Variants in MAN1A1 observed in about 807,000 individuals in gnomAD.
MAN1A1 encodes the protein mannosidase alpha class 1A member 1, also known as mannosyl-oligosaccharide 1,2-alpha-mannosidase IA.
MAN1A1 carries 29 observed loss-of-function variants against 70.8 expected under a neutral mutation model. That is an observed-to-expected ratio of 0.41 (90% CI 0.31 to 0.56). The LOEUF (loss-of-function observed/expected upper bound fraction) is 0.56. Among genes scored for constraint, MAN1A1 ranks in the 20% least tolerant of loss-of-function variants. The pLI, the probability that MAN1A1 is intolerant of heterozygous loss-of-function variation, is 0.29. For synonymous variants in MAN1A1, 349 were observed against 330.1 expected, an observed-to-expected ratio of 1.06 and a Z score of -0.62; for missense variants, 747 against 841.3, an observed-to-expected ratio of 0.89 and a Z score of 1.39.
chr6:119,209,176 A>T (rs1052821367), intron 6 of MAN1A1, among the ~76,000 whole-genome samples: 1 of 151,802 alleles, frequency 6.6e-6, no homozygotes. Flanking sequence ...GCTACCTATT[A>T]TCATCAAATG....
rs1466621265 is a variant in MAN1A1 at position 119,180,329 on chromosome 6, G to C, written c.1818C>G (p.Phe606Leu). ...TCACCTACTTCAATGTCTCTGCCAG[G>C]AAGAAACTCTGCTGCACATCATCAT... ...ESYDDVQQSF[F>L]LAETLKYLYL... is the part of the protein sequence containing the mutation. The change falls in exon 12 of 13, where the codon TTC becomes TTG. Residue 606 changes from phenylalanine (F) to leucine (L), a missense_variant. Around this residue, in one of 2 missense-constraint regions of MAN1A1, gnomAD observed 419 missense variants for 548.2 expected, o/e 0.76. Coordinates refer to ENST00000368468, the MANE Select transcript of MAN1A1 (RefSeq NM_005907.4). 3 of 1,613,238 alleles carry C rather than the reference G, an allele frequency of 1.9e-6. No homozygotes were observed. In the South Asian group the frequency reaches 3.3e-5, roughly 18 times the overall value.
chr6:119,188,256 T>C, intron 11 of MAN1A1, 149 bp downstream of exon 11: 1 of 629,126 alleles, frequency 1.6e-6, no homozygotes, highest in South Asian at 2.7e-5. Context: ...ATAAAATGAC[T>C]TCAATGAAAA....
chr6:119,339,035 G>T (rs1293595186), intron 2 of MAN1A1, among the ~76,000 whole-genome samples: 2 of 152,008 alleles, frequency 1.3e-5, no homozygotes, highest in Non-Finnish European at 2.9e-5. Flanking sequence ...AAATTTCCTT[G>T]TTCTATCTAT....
chr6:119,314,878 T>TC lies in MAN1A1; in HGVS notation c.604-7887dup, dbSNP rs995982148. Among the ~76,000 whole-genome samples the TC allele has an allele frequency of 1.1e-4, 17 of 152,216 alleles. 1 individual carries two copies. The highest frequency in any genetic ancestry group is 3.6e-4 in the African/African-American group (15 of 41,522). ...GCTCCAGCTCTGTACCTAACTTTTC[T>TC]CCTCCTGCCCTGTATGCTACTGGGG... On this transcript the variant is annotated intron_variant, in intron 2 of 12. Transcript: ENST00000368468.
chr6:119,204,690 C>A, intron 7 of MAN1A1, 69 bp downstream of exon 7: 1 of 1,566,830 alleles, frequency 6.4e-7, no homozygotes, highest in Non-Finnish European at 8.7e-7. Flanking sequence ...AATTCCTAAA[C>A]CTTCTCAGAG....
intron 6 of MAN1A1, among the ~76,000 whole-genome samples, chr6:119,216,259 G>A (rs1774198799): frequency 6.6e-6 from 1 of 152,174 alleles, no homozygotes; most frequent in Non-Finnish European, 1.5e-5. Flanking sequence ...GATACTGTGG[G>A]AAGAATAGGT....
intron 2 of MAN1A1, among the ~76,000 whole-genome samples, chr6:119,330,542 A>C (rs1162534328): frequency 6.6e-6 from 1 of 152,080 alleles, no homozygotes; most frequent in Non-Finnish European, 1.5e-5. Flanking sequence ...GCCTTCTAAC[A>C]CATGTCCTGG....
chr6:119,336,063 A>G (rs1462131421), intron 2 of MAN1A1, among the ~76,000 whole-genome samples: 1 of 152,074 alleles, frequency 6.6e-6, no homozygotes, highest in Non-Finnish European at 1.5e-5. Flanking sequence ...CAGGCTTTCA[A>G]AATTTTTTTA....
intron 5 of MAN1A1, among the ~76,000 whole-genome samples, chr6:119,250,646 C>G (rs1163987699): frequency 5.9e-4 from 61 of 103,782 alleles, no homozygotes; most frequent in African/African-American, 2.1e-3. Context: ...CTTGTTCTCT[C>G]TCTGTGTGTG....
At chr6:119,258,584 G>A (rs1438757964) in intron 5 of MAN1A1, among the ~76,000 whole-genome samples, 1 of 151,972 alleles carries the variant, frequency 6.6e-6, no homozygotes, top group Non-Finnish European at 1.5e-5. Flanking sequence ...TATCCTCAGG[G>A]GGTCCTGAAA....
At chr6:119,233,838 G>A (rs1028582675) in intron 6 of MAN1A1, among the ~76,000 whole-genome samples, 10 of 152,088 alleles carry the variant, frequency 6.6e-5, no homozygotes, top group East Asian at 1.9e-4. Flanking sequence ...GATGTATTGC[G>A]GATTATGAGT....
At position 119,302,009 on chromosome 6, in the gene MAN1A1, T is replaced by C; in HGVS notation, c.795A>G (p.Glu265=). ...HEFEEAKSWV[E]ENLDFNVNAE... Reference sequence around the variant, plus strand: ...TTACCACATTAAAATCTAAATTTTCTTCAACCCATGATTTTGCTTCTTCAA... The same window carrying C: ...TTACCACATTAAAATCTAAATTTTCCTCAACCCATGATTTTGCTTCTTCAA... The change falls in exon 4 of 13, where the codon GAA becomes GAG. Residue 265 remains glutamate (E), a synonymous_variant. Coordinates refer to ENST00000368468, the MANE Select transcript of MAN1A1 (RefSeq NM_005907.4). 6.3e-7 allele frequency: 1 copy of C among 1,588,246 alleles called. No individual in the cohort carries two copies.
At chr6:119,231,359 C>T (rs1217503595) in intron 6 of MAN1A1, among the ~76,000 whole-genome samples, 3 of 152,124 alleles carry the variant, frequency 2.0e-5, no homozygotes, top group Non-Finnish European at 2.9e-5. Context: ...TCCTCTGCTG[C>T]CACTCACTCC....
rs1419479117 is a variant in MAN1A1, at chr6:119,204,751, A to G, written c.1116+8T>C. ...CTTTGCAGGCCAAGGCACATTGAAGAATCTCACCTTTTCAGCAAAGATGGG... is the reference window on the plus strand; with the variant it reads ...CTTTGCAGGCCAAGGCACATTGAAGGATCTCACCTTTTCAGCAAAGATGGG... On this transcript the variant is annotated splice_region_variant and intron_variant, in intron 7 of 12. Transcript: ENST00000368468. 1.2e-6 allele frequency: 2 copies of G among 1,613,764 alleles called. No homozygotes were observed. The highest frequency in any genetic ancestry group is 3.3e-5 in the Admixed American group (2 of 59,992).
At chr6:119,247,332 AAT>A (rs1430380733) in intron 6 of MAN1A1, among the ~76,000 whole-genome samples, 2 of 152,304 alleles carry the variant, frequency 1.3e-5, no homozygotes, top group South Asian at 2.1e-4. Flanking sequence ...TAAATTAATT[AAT>A]CTCTCTGTGA....
chr6:119,232,719 A>G (rs74296931), intron 6 of MAN1A1, among the ~76,000 whole-genome samples: 2,186 of 127,674 alleles, frequency 0.017, 36 homozygotes, highest in Middle Eastern at 0.048. Flanking sequence ...GTGTGTGTGT[A>G]TATTTGGAAA....
intron 2 of MAN1A1, among the ~76,000 whole-genome samples, chr6:119,315,789 T>C (rs1057153380): frequency 1.3e-5 from 2 of 152,232 alleles, no homozygotes; most frequent in African/African-American, 4.8e-5. Context: ...TAGAACAGTT[T>C]GGCATCAGCT....
At chr6:119,326,433 C>A (rs1314950177) in intron 2 of MAN1A1, among the ~76,000 whole-genome samples, 1 of 152,194 alleles carries the variant, frequency 6.6e-6, no homozygotes, top group African/African-American at 2.4e-5. Flanking sequence ...TTACACAAAC[C>A]GGTTATAACA....
chr6:119,222,758 G>A (rs1198157091), intron 6 of MAN1A1, among the ~76,000 whole-genome samples: 1 of 152,198 alleles, frequency 6.6e-6, no homozygotes, highest in African/African-American at 2.4e-5. Context: ...CCTTTAAAAT[G>A]TTATTTATAT....
Sources: allele counts gnomAD v4.1 joint callset (sites outside exome capture counted in the v4.1 genomes callset), GRCh38; gene constraint gnomAD v4.1.1; regional missense constraint gnomAD v4.1.1; transcripts MANE v1.5; gene names NCBI Gene and HGNC (gene_info 2026-07-23, HGNC 2026-07-21).